Variants in PRSS36 observed in about 807,000 individuals in gnomAD.
The protein encoded by PRSS36 is serine protease 36, also known as polyserase-2.
In PRSS36, 90 loss-of-function variants were observed where a neutral mutation model predicts 94.3. The ratio of observed to expected loss-of-function variants is 0.95; its 90% CI spans 0.80 to 1.14. PRSS36 has a LOEUF of 1.14. Ranked by LOEUF, PRSS36 falls within the 50% of genes most tolerant of loss-of-function variation. PRSS36 has a pLI of 0.00. For synonymous variants in PRSS36, 500 were observed against 489.6 expected (o/e 1.02, Z -0.28); for missense variants, 1,158 against 1,135.0 (o/e 1.02, Z -0.29).
At position 31,141,727 on chromosome 16, in the gene PRSS36, A is replaced by G. The variant is rs189621061; in HGVS notation, c.1755T>C (p.His585=). 69 of 1,612,640 alleles carry G rather than the reference A, an allele frequency of 4.3e-5. No homozygotes were observed. In the East Asian group the frequency reaches 1.5e-3, roughly 35 times the overall value. Residue 585 remains histidine, a synonymous_variant, in exon 11 of 15, where the codon CAT becomes CAC. Transcript: ENST00000268281. ...ETQTCPPHTE[H]GACGLRLEAA... ...GCCCAAAAGCGTCCTGCTCACCACCATGCTCTGTGTGTGGGGGACAAGTCT... is the reference window on the plus strand; with the variant it reads ...GCCCAAAAGCGTCCTGCTCACCACCGTGCTCTGTGTGTGGGGGACAAGTCT...
chr16:31,144,918 T>A (rs1247518148), intron 6 of PRSS36, among the ~76,000 whole-genome samples: 1 of 150,496 alleles, frequency 6.6e-6, no homozygotes, highest in Non-Finnish European at 1.5e-5. Context: ...AGAAACCCCA[T>A]CTCTACTAAA....
chr16:31,148,845 G>C (rs1029415307), intron 4 of PRSS36, 170 bp from the exon 5 acceptor site: 6 of 1,005,528 alleles, frequency 6.0e-6, no homozygotes, highest in Non-Finnish European at 8.7e-6. Context: ...TGGTGGGGGG[G>C]TCATTGGAAA....
chr16:31,144,116 C>T (rs182479159), intron 6 of PRSS36, among the ~76,000 whole-genome samples: 46 of 152,296 alleles, frequency 3.0e-4, no homozygotes, highest in Non-Finnish European at 4.6e-4. Flanking sequence ...CTTGTTGTTA[C>T]TAGCTCAAAT....
intron 12 of PRSS36, 115 bp downstream of exon 12, chr16:31,141,354 A>C: frequency 7.4e-7 from 1 of 1,358,418 alleles, no homozygotes; most frequent in Non-Finnish European, 1.0e-6. Flanking sequence ...CAACACAGCA[A>C]GATCTCATTG....
intron 11 of PRSS36, 48 bp downstream of exon 11, chr16:31,141,675 G>T: frequency 6.2e-7 from 1 of 1,608,626 alleles, no homozygotes; most frequent in African/African-American, 1.3e-5. Flanking sequence ...CCTGCCATGG[G>T]TCTGTGCACT....
chr16:31,140,361 T>A lies in PRSS36; in HGVS notation c.2222A>T (p.Tyr741Phe), dbSNP rs780370098. Residue 741 changes from tyrosine to phenylalanine, a missense_variant, in exon 14 of 15, where the codon TAT becomes TTT. Physicochemically the swap from Tyr to Phe is conservative, Grantham distance 22. Coordinates refer to ENST00000268281, the MANE Select transcript of PRSS36 (RefSeq NM_173502.5). ...GGTTCCAGGGGGCAGGATGCCCTGA[T>A]AGAGGCAGTCACAGATTCGTTGTGT... ...ILTQRICDCL[Y>F]QGILPPGTLC... is the part of the protein sequence containing the mutation. 1.2e-6 allele frequency: 2 copies of A among 1,613,920 alleles called. No homozygotes were observed. Among genetic ancestry groups the A allele is most frequent in the Non-Finnish European group, 1.7e-6 (2 of 1,179,990 alleles).
rs1035794257 is a variant in PRSS36, at chr16:31,142,559, C to T, written c.1443G>A (p.Ala481=). The change falls in exon 10 of 15, where the codon GCG becomes GCA. Residue 481 remains alanine, a synonymous_variant. Transcript: ENST00000268281. ...GCGGGTCTCCGGGCAGCGGTACTGCCGCCCCCTGGCGGCCGTACAGGCAGT... is the reference window on the plus strand; with the variant it reads ...GCGGGTCTCCGGGCAGCGGTACTGCTGCCCCCTGGCGGCCGTACAGGCAGT... The part of the protein sequence containing the change: ...WCHCLYGRQG[A]AVPLPGDPPH... 4.6e-6 allele frequency: 7 copies of T among 1,525,694 alleles called. No individual in the cohort carries two copies. The highest frequency in any genetic ancestry group is 6.1e-6 in the Non-Finnish European group (7 of 1,140,682). The allele number at this position is 1,525,694 out of a possible 1,614,324, so 94.5% of individuals were successfully genotyped here.
chr16:31,143,041 C>T, intron 8 of PRSS36, 48 bp from the exon 9 acceptor site: 1 of 1,374,626 alleles, frequency 7.3e-7, no homozygotes. Flanking sequence ...GCACACGTGG[C>T]TGGAAACCTC....
chr16:31,148,452 G>C lies in PRSS36; in HGVS notation c.496C>G (p.Arg166Gly), dbSNP rs748625237. 8.3e-6 allele frequency: 13 copies of C among 1,574,526 alleles called. No homozygotes were observed. The African/African-American group carries it at 1.4e-4, about 16-fold the overall frequency. The change falls in exon 5 of 15, where the codon CGC becomes GGC. Residue 166 changes from arginine (R) to glycine (G), a missense_variant. Coordinates refer to ENST00000268281, the MANE Select transcript of PRSS36 (RefSeq NM_173502.5). ...CAGCAGGCGGTGCCGTGCACGAAGC[G>C]GTGTGAGGCGCGGGGCAGGCAGACA... ...WPVCLPRASH[R>G]FVHGTACWAT...
At position 31,148,397 on chromosome 16, in the gene PRSS36, G is replaced by T; in HGVS notation, c.551C>A (p.Ala184Glu). ...WATGWGDVQE[A>E]DPLPLPWVLQ... Reference sequence around the variant, plus strand: ...CCCTCTTGTCCCGTCCCACTCACCTGCCTCCTGGACGTCTCCCCAGCCGGT... The same window carrying T: ...CCCTCTTGTCCCGTCCCACTCACCTTCCTCCTGGACGTCTCCCCAGCCGGT... Residue 184 changes from alanine (A) to glutamate (E), a missense_variant and splice_region_variant, in exon 5 of 15, where the codon GCA (alanine) becomes GAA (glutamate). Ala to Glu is a moderately radical substitution (Grantham distance 107). Transcript: ENST00000268281. The T allele has an allele frequency of 6.4e-7, 1 of 1,564,176 alleles. No individual in the cohort carries two copies. The highest frequency in any genetic ancestry group is 8.6e-7 in the Non-Finnish European group (1 of 1,164,426).
Position 31,148,472 on chromosome 16 carries a change from C to A in PRSS36, c.476G>T (p.Cys159Phe). The A allele has an allele frequency of 6.3e-7, 1 of 1,575,750 alleles. No homozygotes were observed. The highest frequency in any genetic ancestry group is 8.6e-7 in the Non-Finnish European group (1 of 1,167,194). ...ASLGPAVWPV[C>F]LPRASHRFVH... ...GAAGCGGTGTGAGGCGCGGGGCAGG[C>A]AGACAGGCCACACGGCGGGGCCCAG... is the stretch of plus-strand genomic sequence containing the variant. Residue 159 changes from cysteine to phenylalanine, a missense_variant, in exon 5 of 15, where the codon TGC (cysteine) becomes TTC (phenylalanine). Cys to Phe is a radical substitution (Grantham distance 205, BLOSUM62 -2). Transcript: ENST00000268281.
chr16:31,148,843 G>T, intron 4 of PRSS36, 168 bp from the exon 5 acceptor site: 2 of 1,009,146 alleles, frequency 2.0e-6, no homozygotes. Context: ...GGTGGTGGGG[G>T]GGTCATTGGA....
Position 31,143,468 on chromosome 16 carries a change from C to G in PRSS36, c.974G>C (p.Cys325Ser), listed in dbSNP as rs746292303. 6 of 1,607,694 alleles carry G rather than the reference C, an allele frequency of 3.7e-6. 1 individual carries two copies. The South Asian group carries it at 6.6e-5, about 18-fold the overall frequency. Residue 325 changes from cysteine (C) to serine (S), a missense_variant, in exon 8 of 15, where the codon TGC (cysteine) becomes TCC (serine). By Grantham distance (112) the Cys-to-Ser change is moderately radical. Coordinates refer to ENST00000268281, the MANE Select transcript of PRSS36 (RefSeq NM_173502.5). ...GGCCCCTGGCCGCGGGGCCTTCCCG[C>G]ACTCTGAGGGGTGAGAGGCCTGGGT... is the stretch of plus-strand genomic sequence containing the variant. Reference protein sequence around the residue: ...EENCTIALPECGKAPRPGAWP... With the variant: ...EENCTIALPESGKAPRPGAWP...
At position 31,140,474 on chromosome 16, in the gene PRSS36, G is replaced by C; in HGVS notation, c.2167+18C>G. On this transcript the variant is annotated intron_variant, in intron 13 of 14. Coordinates refer to ENST00000268281, the MANE Select transcript of PRSS36 (RefSeq NM_173502.5). ...TGGCCTCCAGCTACTCCTCGTTCCC[G>C]TGACCCAGGGGTCTCACCTCGGTCC... is the stretch of plus-strand genomic sequence containing the variant. 1 of 1,594,432 alleles carries C rather than the reference G, an allele frequency of 6.3e-7. No individual in the cohort carries two copies. Among genetic ancestry groups the C allele is most frequent in the Non-Finnish European group, 8.5e-7 (1 of 1,169,596 alleles).
rs1000077537 is a variant in PRSS36 at position 31,143,761 on chromosome 16, C to A, written c.797G>T (p.Gly266Val). ...FQAGITSFGF[G>V]CGRRNRPGVF... ...TCCAGGGCGGTTTCTCCGTCCACAG[C>A]CAAAGCCAAAGCTGGTGATTCCTGC... Residue 266 changes from glycine to valine, a missense_variant, in exon 7 of 15, where the codon GGC (glycine) becomes GTC (valine). Physicochemically the swap from Gly to Val is moderately radical, Grantham distance 109 (BLOSUM62 -3). Coordinates refer to ENST00000268281, the MANE Select transcript of PRSS36 (RefSeq NM_173502.5). 1 of 1,614,160 alleles carries A rather than the reference C, an allele frequency of 6.2e-7. No individual in the cohort carries two copies. The highest frequency in any genetic ancestry group is 8.5e-7 in the Non-Finnish European group (1 of 1,180,040).
intron 12 of PRSS36, 74 bp downstream of exon 12, chr16:31,141,395 A>AC (rs144655709): frequency 4.8e-6 from 7 of 1,470,996 alleles, no homozygotes; most frequent in Non-Finnish European, 5.4e-6. Flanking sequence ...AAACAAACAA[A>AC]TAACAAAAAC....
rs1371683236 is a variant in PRSS36, at chr16:31,141,864, A to C, written c.1618T>G (p.Phe540Val). 6.2e-7 allele frequency: 1 copy of C among 1,614,038 alleles called. No homozygotes were observed. Residue 540 changes from phenylalanine to valine, a missense_variant, in exon 11 of 15, where the codon TTC (phenylalanine) becomes GTC (valine). Phe to Val is a conservative substitution (Grantham distance 50). Coordinates refer to ENST00000268281, the MANE Select transcript of PRSS36 (RefSeq NM_173502.5). ...GGGCCATGAGTCTGCAGAGGGAAGA[A>C]GGCTCGGGGACGTAGACAGCCACTG... ...FPSGCLRPRA[F>V]FPLQTHGPWI...
At chr16:31,148,725 C>A in intron 4 of PRSS36, 50 bp from the exon 5 acceptor site, 33 of 1,600,644 alleles carry the variant, frequency 2.1e-5, no homozygotes, top group Non-Finnish European at 2.8e-5. Flanking sequence ...ATGGAGGGGG[C>A]AGACCCTCGT....
At chr16:31,147,087 G>A (rs375182084) in intron 5 of PRSS36, among the ~76,000 whole-genome samples, 7 of 152,118 alleles carry the variant, frequency 4.6e-5, no homozygotes, top group South Asian at 2.1e-4. Context: ...TGTCCTGGGC[G>A]TCCCTGGAGC....
Sources: allele counts gnomAD v4.1 joint callset (sites outside exome capture counted in the v4.1 genomes callset), GRCh38; gene constraint gnomAD v4.1.1; transcripts MANE v1.5; gene names NCBI Gene and HGNC (gene_info 2026-07-23, HGNC 2026-07-21).